LIN7A: variants seen among roughly 807,000 people sequenced by gnomAD.
LIN7A encodes the protein lin-7 cell polarity scaffold A, also known as protein lin-7 homolog A.
LIN7A carries 25 observed loss-of-function variants against 29.8 expected under a neutral mutation model. The ratio of observed to expected loss-of-function variants is 0.84; its 90% CI spans 0.61 to 1.17. The LOEUF (loss-of-function observed/expected upper bound fraction) is 1.17, where lower values mean the gene tolerates loss of function less well. Among genes scored for constraint, LIN7A ranks in the 50% most tolerant of loss-of-function variants. The pLI, the probability that LIN7A is intolerant of heterozygous loss-of-function variation, is 0.00. For missense variants in LIN7A, 239 were observed against 287.0 expected, an observed-to-expected ratio of 0.83 and a Z score of 1.21; for synonymous variants, 118 against 107.5, an observed-to-expected ratio of 1.10 and a Z score of -0.60.
intron 2 of LIN7A, among the ~76,000 whole-genome samples, chr12:80,875,958 A>G (rs546090012): frequency 1.5e-4 from 23 of 152,266 alleles, no homozygotes; most frequent in African/African-American, 5.5e-4. Flanking sequence ...TCTCATGTGC[A>G]AAGAACAGAA....
At chr12:80,845,662 G>A (rs1873037048) in intron 4 of LIN7A, 68 bp downstream of exon 4, 3 of 1,286,492 alleles carry the variant, frequency 2.3e-6, no homozygotes, top group African/African-American at 1.5e-5. Context: ...GTTGACTTCA[G>A]TAATAGCAGG....
intron 1 of LIN7A, among the ~76,000 whole-genome samples, chr12:80,910,258 A>G (rs1002454679): frequency 2.0e-5 from 3 of 152,170 alleles, no homozygotes; most frequent in Non-Finnish European, 4.4e-5. Context: ...AAAGTCACCT[A>G]TTAATTTTAG....
intron 2 of LIN7A, among the ~76,000 whole-genome samples, chr12:80,860,527 A>C (rs966505659): frequency 6.6e-6 from 1 of 152,178 alleles, no homozygotes; most frequent in Admixed American, 6.5e-5. Context: ...GATAGAGATC[A>C]CTTTCCTTTC....
At chr12:80,908,035 A>G (rs190469797) in intron 1 of LIN7A, among the ~76,000 whole-genome samples, 2 of 152,176 alleles carry the variant, frequency 1.3e-5, no homozygotes, top group East Asian at 3.9e-4. Context: ...TATGACCTAA[A>G]AGTTGAGCAT....
At chr12:80,805,903 G>C (rs981427174) in intron 5 of LIN7A, among the ~76,000 whole-genome samples, 1 of 141,666 alleles carries the variant, frequency 7.1e-6, no homozygotes, top group Non-Finnish European at 1.6e-5. Context: ...TTTTTCTCTT[G>C]CTGAGACCAT....
intron 2 of LIN7A, among the ~76,000 whole-genome samples, chr12:80,886,228 A>G (rs1875318995): frequency 6.6e-6 from 1 of 151,980 alleles, no homozygotes; most frequent in Non-Finnish European, 1.5e-5. Context: ...CCAGTATTAC[A>G]ATCAGTACCC....
At chr12:80,878,275 T>C (rs1795506) in intron 2 of LIN7A, among the ~76,000 whole-genome samples, 103,040 of 152,110 alleles carry the variant, frequency 0.68, 39,022 homozygotes, top group Non-Finnish European at 0.87. Flanking sequence ...TCTCTACACA[T>C]CATTAAAAAT....
At position 80,794,377 on chromosome 12, in the gene LIN7A, G is replaced by C. The variant is rs1870349127; in HGVS notation, c.*3350C>G. On this transcript the variant is annotated 3_prime_UTR_variant, in exon 6 of 6. Coordinates refer to ENST00000552864, the MANE Select transcript of LIN7A (RefSeq NM_004664.4). ...GAATCTTCAGAGCATTGAGTTCTAA[G>C]TTGTCTAAAGCTGGTCTTATGAACA... 6.6e-6 allele frequency: 1 copy of C among 152,110 alleles called. No homozygotes were observed. Among genetic ancestry groups the C allele is most frequent in the South Asian group, 2.1e-4 (1 of 4,824 alleles). 9.4% of individuals were successfully genotyped at this position (152,110 alleles called of 1,614,324 possible).
intron 2 of LIN7A, among the ~76,000 whole-genome samples, chr12:80,852,994 C>T (rs1269112598): frequency 3.3e-5 from 5 of 152,118 alleles, no homozygotes; most frequent in African/African-American, 7.2e-5. Flanking sequence ...TGGCAACCTT[C>T]AACTTCAGAG....
At chr12:80,869,250 G>A (rs1874304280) in intron 2 of LIN7A, among the ~76,000 whole-genome samples, 2 of 151,996 alleles carry the variant, frequency 1.3e-5, no homozygotes, top group Admixed American at 6.6e-5. Flanking sequence ...GGCAGCTCAA[G>A]TGAACGCTTT....
intron 5 of LIN7A, among the ~76,000 whole-genome samples, chr12:80,807,928 A>C (rs1392686690): frequency 6.6e-6 from 1 of 152,188 alleles, no homozygotes; most frequent in African/African-American, 2.4e-5. Flanking sequence ...CAGCAGCCAG[A>C]GCAATCTTTT....
At chr12:80,920,152 G>A (rs898844710) in intron 1 of LIN7A, among the ~76,000 whole-genome samples, 8 of 152,184 alleles carry the variant, frequency 5.3e-5, no homozygotes, top group South Asian at 2.1e-4. Context: ...CTCTGCAGCC[G>A]TAGCAGGAAA....
intron 4 of LIN7A, among the ~76,000 whole-genome samples, chr12:80,812,303 A>T (rs1205667385): frequency 6.6e-6 from 1 of 152,144 alleles, no homozygotes; most frequent in African/African-American, 2.4e-5. Flanking sequence ...TTTAAATGTA[A>T]CATAAAAACA....
At chr12:80,923,400 CTG>C (rs751117638) in intron 1 of LIN7A, among the ~76,000 whole-genome samples, 2 of 152,182 alleles carry the variant, frequency 1.3e-5, no homozygotes, top group Admixed American at 6.5e-5. Context: ...ATATCTTGCT[CTG>C]TGTCTCTGAA....
chr12:80,830,910 T>C (rs546642278), intron 4 of LIN7A, among the ~76,000 whole-genome samples: 2 of 152,288 alleles, frequency 1.3e-5, no homozygotes, highest in South Asian at 2.1e-4. Context: ...CTGAGGCTAC[T>C]CTGACCGGCA....
At position 80,806,247 on chromosome 12, in the gene LIN7A, A is replaced by G. The variant is rs189735366; in HGVS notation, c.*5218T>C. Among the ~76,000 whole-genome samples the G allele has an allele frequency of 1.7e-4, 26 of 152,276 alleles. 1 individual carries two copies. The South Asian group carries it at 2.7e-3, about 16-fold the overall frequency. Reference sequence around the variant, plus strand: ...CAACTCTTTCTCAAAAAAAGTGGGTATAGCACGAATAAAACCCGAATTCAT... The same window carrying G: ...CAACTCTTTCTCAAAAAAAGTGGGTGTAGCACGAATAAAACCCGAATTCAT... On this transcript the variant is annotated intron_variant, in intron 5 of 5. Coordinates refer to ENST00000552864, the MANE Select transcript of LIN7A (RefSeq NM_004664.4).
chr12:80,862,950 C>G (rs1027340925), intron 2 of LIN7A, among the ~76,000 whole-genome samples: 6 of 152,216 alleles, frequency 3.9e-5, no homozygotes, highest in Admixed American at 3.9e-4. Flanking sequence ...AAATGCCAGA[C>G]TATACTCTTC....
chr12:80,933,131 C>T (rs1878005890), intron 1 of LIN7A, among the ~76,000 whole-genome samples: 1 of 152,234 alleles, frequency 6.6e-6, no homozygotes, highest in Non-Finnish European at 1.5e-5. Flanking sequence ...TAGATTTATG[C>T]ATAGTGACAT....
intron 2 of LIN7A, among the ~76,000 whole-genome samples, chr12:80,880,183 T>C (rs947951799): frequency 1.3e-5 from 2 of 152,150 alleles, no homozygotes; most frequent in Admixed American, 6.5e-5. Context: ...TTACCTGTAA[T>C]TTCTTCCTCC....
Sources: allele counts gnomAD v4.1 joint callset (sites outside exome capture counted in the v4.1 genomes callset), GRCh38; gene constraint gnomAD v4.1.1; transcripts MANE v1.5; gene names NCBI Gene and HGNC (gene_info 2026-07-23, HGNC 2026-07-21).